SNTG2: variants seen among roughly 807,000 people sequenced by gnomAD.
The protein encoded by SNTG2 is syntrophin gamma 2.
Under a neutral mutation model 70.9 loss-of-function variants are expected in SNTG2, and 74 were observed. The observed-to-expected ratio is 1.04, with a 90% CI of 0.86 to 1.27. The LOEUF is 1.27. Among genes scored for constraint, SNTG2 ranks in the 50% most tolerant of loss-of-function variants. The probability of loss-of-function intolerance (pLI) is 0.00; values close to 1 mark genes in which losing one functional copy is unlikely to be tolerated. For synonymous variants in SNTG2, 278 were observed against 273.8 expected, an observed-to-expected ratio of 1.02 and a Z score of -0.15; for missense variants, 717 against 690.7, an observed-to-expected ratio of 1.04 and a Z score of -0.43.
At chr2:1,264,728 A>G (rs1678630633) in intron 13 of SNTG2, among the ~76,000 whole-genome samples, 1 of 152,050 alleles carries the variant, frequency 6.6e-6, no homozygotes, top group Non-Finnish European at 1.5e-5. Flanking sequence ...TACTTTCTTA[A>G]TTCATTTATT....
chr2:1,029,128 C>A (rs1481727556), intron 1 of SNTG2, among the ~76,000 whole-genome samples: 1 of 152,160 alleles, frequency 6.6e-6, no homozygotes, highest in Non-Finnish European at 1.5e-5. Flanking sequence ...CTCCCCAAAT[C>A]ATATATCGAA....
intron 16 of SNTG2, among the ~76,000 whole-genome samples, chr2:1,332,826 A>G (rs1419690108): frequency 2.0e-5 from 3 of 152,212 alleles, no homozygotes; most frequent in Admixed American, 2.0e-4. Flanking sequence ...AAAGCTATCT[A>G]TGACAAACCC....
At chr2:1,133,282 T>C (rs1005499510) in intron 4 of SNTG2, among the ~76,000 whole-genome samples, 6 of 152,244 alleles carry the variant, frequency 3.9e-5, no homozygotes, top group Admixed American at 6.5e-5. Flanking sequence ...TATATATGAA[T>C]AAATATTTAA....
In SNTG2 at chr2:1,222,041, C is replaced by CTGTCTCTCTCTCTCTG. The variant is rs1553362144; in HGVS notation, c.719+12812_719+12813insGTCTCTCTCTCTCTGT. Among the ~76,000 whole-genome samples the CTGTCTCTCTCTCTCTG allele has an allele frequency of 1.9e-3, 7 of 3,702 alleles. 1 individual carries two copies. Among genetic ancestry groups the CTGTCTCTCTCTCTCTG allele is most frequent in the Admixed American group, 5.2e-3 (2 of 386 alleles). The allele number at this position is 3,702 out of a possible 152,430, so 2.4% of individuals were successfully genotyped here. On this transcript the variant is annotated intron_variant, in intron 9 of 16. Transcript: ENST00000308624. ...TCTCTGTCTCTGCCTATCTCTGTCT[C>CTGTCTCTCTCTCTCTG]TCTCTGTCTCTCTCTGTCTCTGTTT... is the stretch of plus-strand genomic sequence containing the variant.
chr2:1,121,557 G>A (rs1009635899), intron 4 of SNTG2, among the ~76,000 whole-genome samples: 6 of 147,684 alleles, frequency 4.1e-5, no homozygotes, highest in Non-Finnish European at 9.2e-5. Flanking sequence ...TTTATATGAA[G>A]GAAAGTGTTT....
chr2:951,073 G>A lies in SNTG2; in HGVS notation c.72+5G>A, dbSNP rs913036298. 4.0e-6 allele frequency: 5 copies of A among 1,248,754 alleles called. No individual in the cohort carries two copies. Among genetic ancestry groups the A allele is most frequent in the South Asian group, 7.1e-5 (2 of 28,218 alleles). The allele number at this position is 1,248,754 out of a possible 1,614,324, so 77.4% of individuals were successfully genotyped here. ...TGCCTGCTGGTACCTGCGCGGGTGA[G>A]TGCGGCCCCTCAGCGCCCCTTCACC... On this transcript the variant is annotated splice_donor_5th_base_variant and intron_variant, in intron 1 of 16. Coordinates refer to ENST00000308624, the MANE Select transcript of SNTG2 (RefSeq NM_018968.4).
Position 1,049,246 on chromosome 2 carries a change from G to T in SNTG2, c.73-34272G>T, listed in dbSNP as rs1470510810. On this transcript the variant is annotated intron_variant, in intron 1 of 16. Transcript: ENST00000308624. ...AGTCTGGACAAATCTGTAATGACAG[G>T]TAGGTATCCACCATTATAGTTTCAT... is the stretch of plus-strand genomic sequence containing the variant. Among the ~76,000 whole-genome samples, 3 of 152,170 alleles carry T rather than the reference G, an allele frequency of 2.0e-5. No individual in the cohort carries two copies. In the South Asian group the frequency reaches 6.2e-4, roughly 32 times the overall value.
intron 8 of SNTG2, among the ~76,000 whole-genome samples, chr2:1,179,289 G>A (rs947339867): frequency 2.6e-5 from 4 of 151,930 alleles, no homozygotes; most frequent in African/African-American, 9.7e-5. Context: ...AGGGTTTTTT[G>A]TGTCTCTATT....
intron 8 of SNTG2, among the ~76,000 whole-genome samples, chr2:1,190,941 A>G (rs1002523592): frequency 1.3e-5 from 2 of 152,238 alleles, no homozygotes; most frequent in East Asian, 3.9e-4. Flanking sequence ...GTTTAAAAAC[A>G]TCAATATGCA....
chr2:1,269,204 T>C (rs535651507), intron 14 of SNTG2, among the ~76,000 whole-genome samples: 1 of 152,152 alleles, frequency 6.6e-6, no homozygotes, highest in South Asian at 2.1e-4. Flanking sequence ...CTGTCCTTAT[T>C]CCACTAAAGG....
At chr2:1,203,089 C>T (rs1411970549) in intron 8 of SNTG2, among the ~76,000 whole-genome samples, 2 of 152,136 alleles carry the variant, frequency 1.3e-5, no homozygotes, top group Non-Finnish European at 2.9e-5. Flanking sequence ...TTATAGAGTC[C>T]TGGATCCAAA....
At chr2:1,138,900 A>C (rs950844956) in intron 6 of SNTG2, among the ~76,000 whole-genome samples, 3 of 152,222 alleles carry the variant, frequency 2.0e-5, no homozygotes, top group Non-Finnish European at 4.4e-5. Context: ...CGTGAAACCA[A>C]GGCAGGCACA....
intron 8 of SNTG2, among the ~76,000 whole-genome samples, chr2:1,195,677 G>A (rs1196679314): frequency 1.3e-5 from 2 of 152,154 alleles, no homozygotes; most frequent in Non-Finnish European, 2.9e-5. Context: ...TAGGCTGCCT[G>A]TTCACTCTGA....
At chr2:1,018,147 T>A (rs1475919948) in intron 1 of SNTG2, among the ~76,000 whole-genome samples, 1 of 152,198 alleles carries the variant, frequency 6.6e-6, no homozygotes, top group Admixed American at 6.5e-5. Flanking sequence ...TTTTTACTGG[T>A]AGGGATAAAA....
chr2:1,140,367 C>A (rs1668664697), intron 6 of SNTG2, among the ~76,000 whole-genome samples: 1 of 152,210 alleles, frequency 6.6e-6, no homozygotes, highest in South Asian at 2.1e-4. Flanking sequence ...AGTAAACTGT[C>A]CGTATGTTCA....
chr2:1,226,032 T>G (rs1413520452), intron 9 of SNTG2, among the ~76,000 whole-genome samples: 1 of 152,152 alleles, frequency 6.6e-6, no homozygotes, highest in Non-Finnish European at 1.5e-5. Context: ...TGCTGTGGAT[T>G]ATGTGATTAA....
chr2:1,352,892 A>G (rs914100465), intron 16 of SNTG2, among the ~76,000 whole-genome samples: 2 of 152,192 alleles, frequency 1.3e-5, no homozygotes, highest in African/African-American at 2.4e-5. Context: ...TGGTGAAAAT[A>G]GCAATGTCTG....
intron 7 of SNTG2, 97 bp from the exon 8 acceptor site, chr2:1,172,995 A>G (rs1372119908): frequency 1.8e-6 from 2 of 1,105,304 alleles, no homozygotes; most frequent in Admixed American, 2.0e-5. Flanking sequence ...TGGTGCTGGT[A>G]ACTTCCCATG....
intron 1 of SNTG2, among the ~76,000 whole-genome samples, chr2:1,067,389 A>G (rs1262951189): frequency 1.3e-5 from 2 of 152,206 alleles, no homozygotes; most frequent in Admixed American, 6.5e-5. Flanking sequence ...TACACTTTTT[A>G]TTTGGGAGAG....
Sources: allele counts gnomAD v4.1 joint callset (sites outside exome capture counted in the v4.1 genomes callset), GRCh38; gene constraint gnomAD v4.1.1; transcripts MANE v1.5; gene names NCBI Gene and HGNC (gene_info 2026-07-23, HGNC 2026-07-21).